CNMD: variants seen among roughly 807,000 people sequenced by gnomAD.
CNMD encodes chondromodulin.
CNMD carries 30 observed loss-of-function variants against 37.5 expected under a neutral mutation model. The observed-to-expected ratio is 0.80, with a 90% confidence interval of 0.60 to 1.09. The LOEUF (loss-of-function observed/expected upper bound fraction) is 1.09, where lower values mean the gene tolerates loss of function less well. Ranked by LOEUF, CNMD falls within the 50% of genes least tolerant of loss-of-function variation. CNMD has a pLI of 0.00. For missense variants in CNMD, 398 were observed against 423.9 expected (o/e 0.94, Z 0.54); for synonymous variants, 167 against 148.2 (o/e 1.13, Z -0.92).
intron 6 of CNMD, among the ~76,000 whole-genome samples, chr13:52,708,222 C>G (rs1447304638): frequency 6.6e-6 from 1 of 152,062 alleles, no homozygotes; most frequent in African/African-American, 2.4e-5. Context: ...CGCCCTGTCA[C>G]CCAGGCTGAA....
intron 6 of CNMD, among the ~76,000 whole-genome samples, chr13:52,706,703 G>A (rs1032425746): frequency 6.7e-6 from 1 of 149,434 alleles, no homozygotes; most frequent in Non-Finnish European, 1.5e-5. Flanking sequence ...AGAAAGCAAG[G>A]TATAAAAGTT....
intron 5 of CNMD, among the ~76,000 whole-genome samples, chr13:52,710,067 C>G (rs941543780): frequency 6.6e-6 from 1 of 152,168 alleles, no homozygotes; most frequent in Non-Finnish European, 1.5e-5. Context: ...ATATCTAATT[C>G]ATAGGGTAGT....
At chr13:52,716,115 T>A (rs931890586) in intron 4 of CNMD, among the ~76,000 whole-genome samples, 2 of 152,224 alleles carry the variant, frequency 1.3e-5, no homozygotes, top group African/African-American at 4.8e-5. Flanking sequence ...ATGATCAACT[T>A]TTTTTCATGT....
chr13:52,726,582 A>G (rs912042429), intron 3 of CNMD, among the ~76,000 whole-genome samples: 8 of 152,062 alleles, frequency 5.3e-5, no homozygotes, highest in African/African-American at 1.9e-4. Context: ...GCCCTACCTA[A>G]CCAACACCAA....
At chr13:52,719,991 A>T (rs913400960) in intron 4 of CNMD, among the ~76,000 whole-genome samples, 3 of 152,122 alleles carry the variant, frequency 2.0e-5, no homozygotes, top group Non-Finnish European at 4.4e-5. Flanking sequence ...GTTTTTTCAC[A>T]TAGTCCCATA....
chr13:52,707,182 C>G (rs1435431948), intron 6 of CNMD, among the ~76,000 whole-genome samples: 1 of 152,302 alleles, frequency 6.6e-6, no homozygotes, highest in Non-Finnish European at 1.5e-5. Context: ...GTGTGAGCCA[C>G]CGCGCCCAGC....
In CNMD at chr13:52,739,242, G is replaced by A. The variant is rs150057428; in HGVS notation, c.73-71C>T. 0.034 allele frequency: 47,930 copies of A among 1,401,672 alleles called. 918 individuals are homozygous for A. The highest frequency in any genetic ancestry group is 0.039 in the Non-Finnish European group (42,463 of 1,079,886). 86.8% of individuals were successfully genotyped at this position (1,401,672 alleles called of 1,614,324 possible). On this transcript the variant is annotated intron_variant, in intron 1 of 6. Transcript: ENST00000377962. The surrounding 1 kb of genome is among the most constrained non-coding windows in gnomAD (Gnocchi z 5.4). Reference sequence around the variant, plus strand: ...CACCTGCGGCCCCCAGCGCACCCGGGCCCCACGCGGTAGCCCCCAGGGAGT... The same window carrying A: ...CACCTGCGGCCCCCAGCGCACCCGGACCCCACGCGGTAGCCCCCAGGGAGT...
chr13:52,717,212 C>T (rs1470791253), intron 4 of CNMD, among the ~76,000 whole-genome samples: 1 of 152,092 alleles, frequency 6.6e-6, no homozygotes, highest in Non-Finnish European at 1.5e-5. Context: ...GACTTTGGTG[C>T]AGTTGCTTAT....
intron 5 of CNMD, among the ~76,000 whole-genome samples, 154 bp downstream of exon 5, chr13:52,712,562 C>T (rs1209077078): frequency 1.3e-5 from 2 of 152,138 alleles, no homozygotes; most frequent in Admixed American, 6.6e-5. Context: ...TTTTCCTGCT[C>T]TTTCATCTCT....
At chr13:52,706,572 GA>G (rs1363249561) in intron 6 of CNMD, among the ~76,000 whole-genome samples, 1 of 152,166 alleles carries the variant, frequency 6.6e-6, no homozygotes, top group Non-Finnish European at 1.5e-5. Context: ...TTATAGCCAT[GA>G]AAGCATAACT....
chr13:52,733,460 G>A (rs1469196461), intron 2 of CNMD, 101 bp from the exon 3 acceptor site: 1 of 961,202 alleles, frequency 1.0e-6, no homozygotes, highest in Admixed American at 1.7e-5. Flanking sequence ...ATGTTTCAGA[G>A]ATACATGAGA....
chr13:52,703,857 G>A, intron 6 of CNMD, 47 bp from the exon 7 acceptor site: 2 of 1,483,424 alleles, frequency 1.3e-6, no homozygotes, highest in Non-Finnish European at 1.9e-6. Context: ...TAGTGGGAAG[G>A]TCATAGCATG....
At chr13:52,723,971 A>G in intron 4 of CNMD, 26 bp downstream of exon 4, 1 of 1,393,336 alleles carries the variant, frequency 7.2e-7, no homozygotes. Flanking sequence ...AAGCAGTCTC[A>G]CTGTCTCAGG....
chr13:52,715,173 A>G (rs1054892176), intron 4 of CNMD, among the ~76,000 whole-genome samples: 2 of 152,108 alleles, frequency 1.3e-5, no homozygotes, highest in South Asian at 2.1e-4. Flanking sequence ...TTAAAAATGT[A>G]TAATTGTTTT....
At chr13:52,706,550 CAG>C (rs1337413296) in intron 6 of CNMD, among the ~76,000 whole-genome samples, 1 of 152,062 alleles carries the variant, frequency 6.6e-6, no homozygotes, top group Non-Finnish European at 1.5e-5. Context: ...CAGCAAAAGA[CAG>C]GGAAATAATT....
chr13:52,712,864 G>A lies in CNMD; in HGVS notation c.474C>T (p.Gly158=), dbSNP rs373372110. The change falls in exon 5 of 7, where the codon GGC becomes GGT. Residue 158 remains glycine (G), a synonymous_variant. Coordinates refer to ENST00000377962, the MANE Select transcript of CNMD (RefSeq NM_007015.3). ...TKQSISSKLE[G]KIMPVKYEEN... ...CTTCATATTTGACTGGCATGATCTT[G>A]CCTTCCTGAAAGTAAAAACGATTGC... is the stretch of plus-strand genomic sequence containing the variant. 3 of 1,554,288 alleles carry A rather than the reference G, an allele frequency of 1.9e-6. No individual in the cohort carries two copies. Among genetic ancestry groups the A allele is most frequent in the Non-Finnish European group, 2.6e-6 (3 of 1,153,954 alleles).
At chr13:52,712,584 C>T in intron 5 of CNMD, 132 bp downstream of exon 5, 1 of 521,632 alleles carries the variant, frequency 1.9e-6, no homozygotes, top group East Asian at 3.1e-5. Flanking sequence ...ATGCTAATTA[C>T]TGAGACACTG....
chr13:52,704,785 C>T (rs180894164), intron 6 of CNMD, among the ~76,000 whole-genome samples: 37 of 152,192 alleles, frequency 2.4e-4, no homozygotes, highest in Middle Eastern at 3.4e-3. Flanking sequence ...ATTTCAGCCA[C>T]GCGCAGTGGC....
intron 3 of CNMD, among the ~76,000 whole-genome samples, chr13:52,730,652 C>T (rs1964650588): frequency 6.6e-6 from 1 of 152,082 alleles, no homozygotes; most frequent in Non-Finnish European, 1.5e-5. Context: ...TATCCTTCGC[C>T]CACTTTTTGA....
Sources: allele counts gnomAD v4.1 joint callset (sites outside exome capture counted in the v4.1 genomes callset), GRCh38; gene constraint gnomAD v4.1.1; non-coding constraint Gnocchi (gnomAD v3.1); transcripts MANE v1.5; gene names NCBI Gene and HGNC (gene_info 2026-07-23, HGNC 2026-07-21).